PTK2: variants seen among roughly 807,000 people sequenced by gnomAD.
PTK2 encodes the protein protein tyrosine kinase 2.
Under a neutral mutation model 150.1 loss-of-function variants are expected in PTK2, and 45 were observed. That is an observed-to-expected ratio of 0.30 (90% CI 0.24 to 0.38). The LOEUF (loss-of-function observed/expected upper bound fraction) is 0.38, where lower values mean the gene tolerates loss of function less well. Ranked by LOEUF, PTK2 falls within the 10% of genes least tolerant of loss-of-function variation. The pLI is 1.00. For missense variants in PTK2, 919 were observed against 1,307.3 expected, an observed-to-expected ratio of 0.70 and a Z score of 4.58; for synonymous variants, 432 against 449.2, an observed-to-expected ratio of 0.96 and a Z score of 0.48.
chr8:140,696,608 A>G (rs944846615), intron 26 of PTK2, among the ~76,000 whole-genome samples: 4 of 152,058 alleles, frequency 2.6e-5, no homozygotes, highest in Non-Finnish European at 5.9e-5. Context: ...CGTCCTTGAG[A>G]TGACACAAAA....
chr8:140,740,097 G>A (rs901476045), intron 20 of PTK2, among the ~76,000 whole-genome samples: 2 of 152,074 alleles, frequency 1.3e-5, no homozygotes, highest in African/African-American at 4.8e-5. Context: ...AGGCCTAAAC[G>A]TTTTCTTTGT....
intron 2 of PTK2, among the ~76,000 whole-genome samples, chr8:140,914,778 A>G (rs984317875): frequency 1.3e-5 from 2 of 152,104 alleles, no homozygotes; most frequent in Non-Finnish European, 2.9e-5. Flanking sequence ...GCTCACATCT[A>G]TAATTCCAGC....
chr8:140,995,547 G>A (rs1397800180), intron 1 of PTK2, among the ~76,000 whole-genome samples: 4 of 152,084 alleles, frequency 2.6e-5, no homozygotes, highest in African/African-American at 4.8e-5. Flanking sequence ...GGTGATGCCT[G>A]TAATCCTAGC....
At chr8:140,814,382 G>A (rs972900161) in intron 10 of PTK2, among the ~76,000 whole-genome samples, 1 of 152,188 alleles carries the variant, frequency 6.6e-6, no homozygotes. Flanking sequence ...TATTATTGAT[G>A]AACATAGATG....
At chr8:140,680,866 T>A (rs2100016512) in intron 27 of PTK2, among the ~76,000 whole-genome samples, 2 of 152,136 alleles carry the variant, frequency 1.3e-5, no homozygotes, top group South Asian at 4.1e-4. Context: ...TTTGCAAGAT[T>A]TTAAGGTAAG....
intron 5 of PTK2, among the ~76,000 whole-genome samples, chr8:140,863,591 G>A (rs1174796370): frequency 6.6e-6 from 1 of 152,116 alleles, no homozygotes; most frequent in Non-Finnish European, 1.5e-5. Flanking sequence ...CAAAGTTGAA[G>A]ACTCCTCAAA....
intron 1 of PTK2, among the ~76,000 whole-genome samples, chr8:140,961,042 A>C (rs1164756068): frequency 6.6e-6 from 1 of 152,256 alleles, no homozygotes; most frequent in African/African-American, 2.4e-5. Context: ...CTTTAAAGTC[A>C]GAAAAGCAGC....
At chr8:140,864,472 TTG>T (rs2100138107) in intron 4 of PTK2, 73 bp from the exon 5 acceptor site, 1 of 812,228 alleles carries the variant, frequency 1.2e-6, no homozygotes, top group Non-Finnish European at 2.0e-6. Flanking sequence ...AATTATAATA[TTG>T]TGAGTATAGC....
intron 1 of PTK2, among the ~76,000 whole-genome samples, chr8:140,990,540 C>T (rs2100195315): frequency 6.6e-6 from 1 of 152,192 alleles, no homozygotes; most frequent in Non-Finnish European, 1.5e-5. Flanking sequence ...ACATGCCAGG[C>T]CAACAAATTG....
At chr8:140,855,224 C>T (rs1281036884) in intron 5 of PTK2, among the ~76,000 whole-genome samples, 1 of 151,892 alleles carries the variant, frequency 6.6e-6, no homozygotes, top group Admixed American at 6.6e-5. Flanking sequence ...ATGTGCCAGA[C>T]ATTTCTAAGA....
chr8:140,678,497 G>A (rs2100015126), intron 27 of PTK2, among the ~76,000 whole-genome samples: 1 of 152,048 alleles, frequency 6.6e-6, no homozygotes, highest in African/African-American at 2.4e-5. Flanking sequence ...GGGACCACAG[G>A]TGCATGCCAT....
At chr8:140,787,991 C>T (rs1403964808) in intron 14 of PTK2, among the ~76,000 whole-genome samples, 1 of 152,178 alleles carries the variant, frequency 6.6e-6, no homozygotes, top group Non-Finnish European at 1.5e-5. Context: ...TTTCTCTCTC[C>T]AACTAGATTA....
At chr8:140,722,726 C>A (rs1341933536) in intron 22 of PTK2, among the ~76,000 whole-genome samples, 1 of 152,074 alleles carries the variant, frequency 6.6e-6, no homozygotes, top group Non-Finnish European at 1.5e-5. Context: ...ATTGCCTCAC[C>A]CTTAAAATAA....
intron 10 of PTK2, among the ~76,000 whole-genome samples, chr8:140,815,763 T>C (rs2100104359): frequency 6.6e-6 from 1 of 152,074 alleles, no homozygotes; most frequent in African/African-American, 2.4e-5. Context: ...TCATAACTAT[T>C]AATATAATCT....
At chr8:140,794,754 C>G (rs2100090634) in intron 12 of PTK2, among the ~76,000 whole-genome samples, 1 of 152,170 alleles carries the variant, frequency 6.6e-6, no homozygotes, top group African/African-American at 2.4e-5. Flanking sequence ...AGTGCTCACA[C>G]CTGTATCTCT....
chr8:140,763,844 T>C (rs1044843651), intron 15 of PTK2, among the ~76,000 whole-genome samples: 1 of 152,150 alleles, frequency 6.6e-6, no homozygotes, highest in Non-Finnish European at 1.5e-5. Flanking sequence ...GGTATACGTG[T>C]GTGTATGTAT....
Position 140,751,226 on chromosome 8 carries a change from T to C in PTK2, c.1417+1006A>G, listed in dbSNP as rs111288744. 4.7e-3 allele frequency among the ~76,000 whole-genome samples: 720 copies of C among 152,360 alleles called. 9 individuals are homozygous for C. The highest frequency in any genetic ancestry group is 0.016 in the African/African-American group (653 of 41,592). On this transcript the variant is annotated intron_variant, in intron 17 of 31. Transcript: ENST00000522684. ...TTCAGTCACTTAGGCTGGAGTGCAA[T>C]GGCACGATCTTAGCTCACTGCTACA...
chr8:140,818,596 T>C (rs937763772), intron 9 of PTK2, among the ~76,000 whole-genome samples: 1 of 152,222 alleles, frequency 6.6e-6, no homozygotes, highest in Non-Finnish European at 1.5e-5. Flanking sequence ...GGGATGATTA[T>C]CTAAATAGGT....
intron 2 of PTK2, among the ~76,000 whole-genome samples, chr8:140,910,868 A>C (rs1370301209): frequency 6.9e-6 from 1 of 145,580 alleles, no homozygotes; most frequent in Admixed American, 6.9e-5. Flanking sequence ...AAGGCCTCAA[A>C]TCCCACTTCA....
Sources: gnomAD v4.1 joint callset for allele counts (sites outside exome capture counted in the v4.1 genomes callset) on GRCh38, gnomAD v4.1.1 for gene constraint, MANE v1.5 for transcripts, NCBI Gene and HGNC (gene_info 2026-07-23, HGNC 2026-07-21) for gene names.